Variants in FBXW7 observed in about 807,000 individuals in gnomAD.
FBXW7 encodes the protein F-box and WD repeat domain containing 7, also known as F-box/WD repeat-containing protein 7.
FBXW7 carries 11 observed loss-of-function variants against 86.3 expected under a neutral mutation model. That is an observed-to-expected ratio of 0.13 (90% CI 0.08 to 0.21). The LOEUF (loss-of-function observed/expected upper bound fraction) is 0.21. Ranked by LOEUF, FBXW7 falls within the 10% of genes least tolerant of loss-of-function variation. FBXW7 has a pLI of 1.00. For missense variants in FBXW7, 488 were observed against 847.4 expected (o/e 0.58, Z 5.27); for synonymous variants, 313 against 297.9 (o/e 1.05, Z -0.52).
chr4:152,372,864 T>TA (rs1481363225), intron 4 of FBXW7, among the ~76,000 whole-genome samples: 1 of 152,006 alleles, frequency 6.6e-6, no homozygotes, highest in Non-Finnish European at 1.5e-5. Context: ...TACAGATTTA[T>TA]AAATCATGTG....
At chr4:152,338,044 C>A in intron 6 of FBXW7, 108 bp from the exon 7 acceptor site, 1 of 1,086,234 alleles carries the variant, frequency 9.2e-7, no homozygotes, top group Non-Finnish European at 1.2e-6. Context: ...CAGGGTAGAA[C>A]TGTATAAAAA....
At chr4:152,389,943 G>T (rs576503327) in intron 4 of FBXW7, among the ~76,000 whole-genome samples, 1 of 152,048 alleles carries the variant, frequency 6.6e-6, no homozygotes, top group African/African-American at 2.4e-5. Context: ...AGGCATGTAT[G>T]CCTGTGCTCT....
intron 2 of FBXW7, among the ~76,000 whole-genome samples, chr4:152,478,386 C>A (rs1280027952): frequency 6.6e-6 from 1 of 152,020 alleles, no homozygotes; most frequent in Non-Finnish European, 1.5e-5. Flanking sequence ...CTATGTTGTA[C>A]CATGTACCAA....
chr4:152,411,817 C>A lies in FBXW7; in HGVS notation c.-14G>T, dbSNP rs2126883376. Reference sequence around the variant, plus strand: ...TTCCTGATTCATTTCCAAAAGCCAGCTTGCTACTTCTTGGACCTTGGCTAG... The same window carrying A: ...TTCCTGATTCATTTCCAAAAGCCAGATTGCTACTTCTTGGACCTTGGCTAG... On this transcript the variant is annotated 5_prime_UTR_variant, in exon 4 of 14. Transcript: ENST00000281708. The A allele has an allele frequency of 6.3e-7, 1 of 1,588,604 alleles. No homozygotes were observed. Among genetic ancestry groups the A allele is most frequent in the Non-Finnish European group, 8.6e-7 (1 of 1,165,884 alleles).
intron 2 of FBXW7, among the ~76,000 whole-genome samples, chr4:152,484,169 T>C (rs1194405054): frequency 6.6e-6 from 1 of 152,178 alleles, no homozygotes; most frequent in Non-Finnish European, 1.5e-5. Context: ...TTTTTTAAAA[T>C]TTATTACTAC....
intron 4 of FBXW7, among the ~76,000 whole-genome samples, chr4:152,391,723 C>T (rs1457781610): frequency 6.6e-6 from 1 of 152,076 alleles, no homozygotes; most frequent in African/African-American, 2.4e-5. Flanking sequence ...TATCATTATC[C>T]TTGTCTACTT....
At chr4:152,508,844 A>T (rs530775643) in intron 2 of FBXW7, among the ~76,000 whole-genome samples, 1 of 152,274 alleles carries the variant, frequency 6.6e-6, no homozygotes, top group African/African-American at 2.4e-5. Flanking sequence ...AAAAGCAACT[A>T]GAGTGGACAA....
chr4:152,393,389 T>C (rs1736154872), intron 4 of FBXW7, among the ~76,000 whole-genome samples: 1 of 151,874 alleles, frequency 6.6e-6, no homozygotes, highest in Non-Finnish European at 1.5e-5. Flanking sequence ...TTAGTGATAA[T>C]CTAACTGATA....
chr4:152,526,695 T>C (rs1310012710), intron 2 of FBXW7, among the ~76,000 whole-genome samples: 1 of 152,220 alleles, frequency 6.6e-6, no homozygotes, highest in East Asian at 1.9e-4. Context: ...GGCTGATAAC[T>C]GAATTAGATC....
intron 2 of FBXW7, among the ~76,000 whole-genome samples, chr4:152,528,940 G>C (rs920169965): frequency 1.3e-5 from 2 of 150,094 alleles, no homozygotes; most frequent in African/African-American, 4.9e-5. Flanking sequence ...TACATACTTT[G>C]TGTGTGTGTG....
At chr4:152,379,297 TTAAA>T (rs1296137243) in intron 4 of FBXW7, among the ~76,000 whole-genome samples, 28 of 152,302 alleles carry the variant, frequency 1.8e-4, no homozygotes, top group African/African-American at 6.7e-4. Flanking sequence ...ATTTTATAGG[TTAAA>T]TAATTTTTTC....
At chr4:152,423,147 T>C (rs1180028969) in intron 2 of FBXW7, among the ~76,000 whole-genome samples, 2 of 152,218 alleles carry the variant, frequency 1.3e-5, no homozygotes, top group South Asian at 2.1e-4. Flanking sequence ...TTCCTTCTTA[T>C]GATTTTAGCA....
At chr4:152,353,021 C>T in intron 4 of FBXW7, 1 of 1,205,678 alleles carries the variant, frequency 8.3e-7, no homozygotes, top group South Asian at 3.8e-5. Context: ...ACGACAGCCC[C>T]CTCTCCCCTT....
intron 2 of FBXW7, among the ~76,000 whole-genome samples, chr4:152,510,344 T>C (rs1347585868): frequency 6.6e-6 from 1 of 152,240 alleles, no homozygotes; most frequent in Admixed American, 6.5e-5. Context: ...CTGTGTACTT[T>C]ATTTTGATAA....
At chr4:152,462,139 A>C (rs1477526926) in intron 2 of FBXW7, among the ~76,000 whole-genome samples, 1 of 152,172 alleles carries the variant, frequency 6.6e-6, no homozygotes, top group Non-Finnish European at 1.5e-5. Context: ...GCACCTGGGT[A>C]GTCTGGTGGT....
At chr4:152,489,440 C>G (rs1745637462) in intron 2 of FBXW7, 1 of 152,552 alleles carries the variant, frequency 6.6e-6, no homozygotes, top group Admixed American at 6.6e-5. Context: ...GCTTCCAAGC[C>G]TACCAAGACA....
intron 2 of FBXW7, among the ~76,000 whole-genome samples, chr4:152,471,465 G>A (rs72721630): frequency 0.023 from 2,610 of 112,908 alleles, 44 homozygotes; most frequent in Non-Finnish European, 0.035. Flanking sequence ...AGGAGGGAAG[G>A]AAGGAGGGAA....
rs531981163 is a variant in FBXW7 at position 152,512,636 on chromosome 4, C to G, written c.-120+22305G>C. The stretch of plus-strand genomic sequence containing the variant: ...CGTGTTACGTGAAAGAAGCCAAACA[C>G]AAAAGGCCATGTACTGTATGACTCC... On this transcript the variant is annotated intron_variant, in intron 2 of 13. Coordinates refer to ENST00000281708, the MANE Select transcript of FBXW7 (RefSeq NM_001349798.2). 4.6e-5 allele frequency among the ~76,000 whole-genome samples: 7 copies of G among 152,216 alleles called. No homozygotes were observed. The East Asian group carries it at 1.4e-3, about 29-fold the overall frequency.
At chr4:152,347,890 T>C (rs1339445866) in intron 5 of FBXW7, among the ~76,000 whole-genome samples, 1 of 152,060 alleles carries the variant, frequency 6.6e-6, no homozygotes, top group Non-Finnish European at 1.5e-5. Context: ...ATTACTAACG[T>C]ATTAAACTTT....
Sources: allele counts gnomAD v4.1 joint callset (sites outside exome capture counted in the v4.1 genomes callset), GRCh38; gene constraint gnomAD v4.1.1; transcripts MANE v1.5; gene names NCBI Gene and HGNC (gene_info 2026-07-23, HGNC 2026-07-21).